SCAI: variants seen among roughly 807,000 people sequenced by gnomAD.
SCAI encodes protein SCAI.
In SCAI, 24 loss-of-function variants were observed where a neutral mutation model predicts 92.2. The observed-to-expected ratio is 0.26, with a 90% CI of 0.19 to 0.37. SCAI has a LOEUF of 0.37. Among genes scored for constraint, SCAI ranks in the 10% least tolerant of loss-of-function variants. The probability of loss-of-function intolerance (pLI) is 1.00; values close to 1 mark genes in which losing one functional copy is unlikely to be tolerated. For missense variants in SCAI, 450 were observed against 736.2 expected, an observed-to-expected ratio of 0.61 and a Z score of 4.50; for synonymous variants, 261 against 258.6, an observed-to-expected ratio of 1.01 and a Z score of -0.09.
rs553775150 is a variant in SCAI at position 125,056,364 on chromosome 9, G to T, written c.99-357C>A. On this transcript the variant is annotated intron_variant, in intron 2 of 17. Coordinates refer to ENST00000336505, the MANE Select transcript of SCAI (RefSeq NM_001144877.3). ...ACCTGTAGTCCCAGCTACTCAGGAG[G>T]CTGAGGAAGCAGAATTGCTTGACCC... Among the ~76,000 whole-genome samples the T allele has an allele frequency of 1.7e-3, 265 of 152,256 alleles. 1 individual carries two copies. The highest frequency in any genetic ancestry group is 6.1e-3 in the African/African-American group (255 of 41,550).
chr9:125,085,600 A>G (rs1033415307), intron 2 of SCAI, among the ~76,000 whole-genome samples: 12 of 152,124 alleles, frequency 7.9e-5, no homozygotes, highest in Non-Finnish European at 1.5e-4. Flanking sequence ...ATGCAGGAGG[A>G]TTACTTAAGC....
chr9:125,109,063 A>G (rs1588230508), intron 2 of SCAI, among the ~76,000 whole-genome samples: 2 of 152,178 alleles, frequency 1.3e-5, no homozygotes, highest in South Asian at 2.1e-4. Flanking sequence ...CTTACCCCCA[A>G]CCCGCTGCTC....
At chr9:125,012,153 A>C (rs1223229775) in intron 9 of SCAI, among the ~76,000 whole-genome samples, 1 of 152,196 alleles carries the variant, frequency 6.6e-6, no homozygotes, top group Non-Finnish European at 1.5e-5. Context: ...CTAACATCAT[A>C]ATGACAGGAT....
intron 3 of SCAI, 104 bp downstream of exon 3, chr9:125,055,772 A>T: frequency 1.2e-6 from 1 of 829,668 alleles, no homozygotes; most frequent in Non-Finnish European, 1.8e-6. Flanking sequence ...ACAGAAATTT[A>T]TATGACATTC....
At chr9:124,968,478 G>A in intron 17 of SCAI, 1 of 923,014 alleles carries the variant, frequency 1.1e-6, no homozygotes, top group Non-Finnish European at 1.8e-6. Flanking sequence ...TTGCTTGTTT[G>A]GTGTCTGCTT....
intron 2 of SCAI, among the ~76,000 whole-genome samples, chr9:125,096,350 G>A (rs978787082): frequency 1.1e-4 from 17 of 152,020 alleles, no homozygotes; most frequent in African/African-American, 3.9e-4. Context: ...ACCTCCCACC[G>A]GGTCCCTCCC....
At chr9:124,968,946 A>T in intron 17 of SCAI, 1 of 275,586 alleles carries the variant, frequency 3.6e-6, no homozygotes, top group Non-Finnish European at 6.9e-6. Context: ...ATTTTTTGGA[A>T]AAAAAAAAAA....
chr9:125,037,451 A>C (rs13284994), intron 3 of SCAI, among the ~76,000 whole-genome samples: 6 of 151,974 alleles, frequency 3.9e-5, no homozygotes, highest in Admixed American at 3.9e-4. Flanking sequence ...AAAAAAAAGT[A>C]CAAGTTGAAA....
chr9:124,998,781 C>A (rs117118992), intron 13 of SCAI, among the ~76,000 whole-genome samples: 1,721 of 152,056 alleles, frequency 0.011, 87 homozygotes, highest in Admixed American at 0.083. Context: ...GCCACCACAC[C>A]CGGTTAATTT....
chr9:125,142,820 T>TATTTAC, intron 1 of SCAI, 143 bp from the exon 2 acceptor site: 2 of 679,704 alleles, frequency 2.9e-6, no homozygotes, highest in Non-Finnish European at 5.3e-6. Flanking sequence ...TACAAACGCC[T>TATTTAC]CATGCCCTGT....
intron 6 of SCAI, among the ~76,000 whole-genome samples, chr9:125,026,207 C>T (rs1246345169): frequency 6.6e-6 from 1 of 152,032 alleles, no homozygotes; most frequent in Non-Finnish European, 1.5e-5. Flanking sequence ...CCCATCTCTA[C>T]TAAAAAATAC....
At chr9:125,069,070 T>A (rs922613845) in intron 2 of SCAI, among the ~76,000 whole-genome samples, 1 of 151,200 alleles carries the variant, frequency 6.6e-6, no homozygotes, top group African/African-American at 2.4e-5. Flanking sequence ...TACAAAAAAT[T>A]AGCCAGGCCT....
intron 2 of SCAI, among the ~76,000 whole-genome samples, chr9:125,127,733 C>T (rs1003340301): frequency 3.3e-5 from 5 of 152,030 alleles, no homozygotes; most frequent in East Asian, 1.9e-4. Flanking sequence ...TCCGGCCGAA[C>T]GAGGTGGCAC....
At chr9:125,128,327 A>T (rs1338431648) in intron 2 of SCAI, among the ~76,000 whole-genome samples, 1 of 151,908 alleles carries the variant, frequency 6.6e-6, no homozygotes, top group Non-Finnish European at 1.5e-5. Flanking sequence ...TAAAATGTAT[A>T]CGGGTAATTT....
intron 2 of SCAI, among the ~76,000 whole-genome samples, chr9:125,123,573 G>A (rs963920982): frequency 7.2e-5 from 11 of 152,116 alleles, no homozygotes; most frequent in African/African-American, 9.7e-5. Flanking sequence ...TCAGGAGATC[G>A]AGAACATCCT....
intron 3 of SCAI, among the ~76,000 whole-genome samples, chr9:125,032,655 C>A (rs1833103179): frequency 6.7e-6 from 1 of 148,826 alleles, no homozygotes; most frequent in Non-Finnish European, 1.5e-5. Flanking sequence ...ACTCTGTTGC[C>A]CAGGCTGGAG....
At chr9:125,001,666 C>T (rs1832364553) in intron 12 of SCAI, among the ~76,000 whole-genome samples, 1 of 152,162 alleles carries the variant, frequency 6.6e-6, no homozygotes, top group African/African-American at 2.4e-5. Context: ...CTTTGAAACA[C>T]CAAACTCCTT....
At chr9:125,064,677 C>G (rs891950770) in intron 2 of SCAI, among the ~76,000 whole-genome samples, 2 of 152,070 alleles carry the variant, frequency 1.3e-5, no homozygotes, top group Non-Finnish European at 2.9e-5. Flanking sequence ...GAAATCCCGT[C>G]TCTACTAAAA....
At chr9:125,121,058 AT>A (rs1341887641) in intron 2 of SCAI, among the ~76,000 whole-genome samples, 2 of 151,896 alleles carry the variant, frequency 1.3e-5, no homozygotes, top group South Asian at 4.2e-4. Context: ...AAAAACTGAA[AT>A]TTTTTTGTTT....
Sources: gnomAD v4.1 joint callset for allele counts (sites outside exome capture counted in the v4.1 genomes callset) on GRCh38, gnomAD v4.1.1 for gene constraint, MANE v1.5 for transcripts, NCBI Gene and HGNC (gene_info 2026-07-23, HGNC 2026-07-21) for gene names.